RBFOX1: variants seen among roughly 807,000 people sequenced by gnomAD.
The protein encoded by RBFOX1 is RNA binding protein fox-1 homolog 1.
In RBFOX1, 8 loss-of-function variants were observed where a neutral mutation model predicts 57.7. The ratio of observed to expected loss-of-function variants is 0.14; its 90% confidence interval spans 0.08 to 0.25. The LOEUF (loss-of-function observed/expected upper bound fraction) is 0.25, where lower values mean the gene tolerates loss of function less well. RBFOX1 is among the 10% of genes least tolerant of loss of function. The pLI is 1.00. For missense variants in RBFOX1, 611 were observed against 548.5 expected, an observed-to-expected ratio of 1.11 and a Z score of -1.14; for synonymous variants, 326 against 222.4, an observed-to-expected ratio of 1.47 and a Z score of -4.15.
At chr16:7,273,466 A>G (rs532452368) in intron 4 of RBFOX1, among the ~76,000 whole-genome samples, 12 of 152,196 alleles carry the variant, frequency 7.9e-5, no homozygotes, top group African/African-American at 2.6e-4. Context: ...CTGCTGCATC[A>G]AGGGTCCCTG....
intron 4 of RBFOX1, among the ~76,000 whole-genome samples, chr16:7,082,121 T>C (rs1247823164): frequency 6.6e-6 from 1 of 152,158 alleles, no homozygotes; most frequent in Non-Finnish European, 1.5e-5. Context: ...GATCACTCCT[T>C]GGTATCCTAA....
intron 2 of RBFOX1, among the ~76,000 whole-genome samples, chr16:6,627,914 T>G (rs1483034105): frequency 6.6e-6 from 1 of 152,200 alleles, no homozygotes; most frequent in African/African-American, 2.4e-5. Context: ...CATCACTCCC[T>G]AAAGGGGCCA....
At chr16:6,872,363 C>G (rs958528371) in intron 3 of RBFOX1, among the ~76,000 whole-genome samples, 1 of 152,086 alleles carries the variant, frequency 6.6e-6, no homozygotes, top group African/African-American at 2.4e-5. Flanking sequence ...TTTTCTCTTT[C>G]TCGTAGTAAT....
chr16:5,740,396 G>A lies in RBFOX1; in HGVS notation c.319-126907G>A, dbSNP rs577094507. 2.2e-4 allele frequency among the ~76,000 whole-genome samples: 34 copies of A among 152,344 alleles called. 1 individual carries two copies. Among genetic ancestry groups the A allele is most frequent in the Middle Eastern group, 3.4e-3 (1 of 294 alleles). Reference sequence around the variant, plus strand: ...CACAGTCCCAGCAACAGTGATGAAAGTGTCAGCTAGTGCGTATGAAGACTT... The same window carrying A: ...CACAGTCCCAGCAACAGTGATGAAAATGTCAGCTAGTGCGTATGAAGACTT... On this transcript the variant is annotated intron_variant, in intron 3 of 19. Transcript: ENST00000641259.
chr16:5,285,244 C>G (rs1350272099), intron 1 of RBFOX1, among the ~76,000 whole-genome samples: 6 of 152,168 alleles, frequency 3.9e-5, no homozygotes, highest in Non-Finnish European at 2.9e-5. Flanking sequence ...ATTGTTAAAG[C>G]TGTCAGTTAT....
chr16:6,229,619 A>T (rs1335626900), intron 1 of RBFOX1, among the ~76,000 whole-genome samples: 1 of 152,164 alleles, frequency 6.6e-6, no homozygotes, highest in Non-Finnish European at 1.5e-5. Context: ...CTGAAGAGGA[A>T]CCAGGAAGAA....
In RBFOX1 at chr16:7,549,886, T is replaced by C. The variant is rs928519179; in HGVS notation, c.271-29891T>C. Among the ~76,000 whole-genome samples the C allele has an allele frequency of 2.0e-5, 3 of 152,144 alleles. No individual in the cohort carries two copies. The East Asian group carries it at 5.8e-4, about 29-fold the overall frequency. On this transcript the variant is annotated intron_variant, in intron 5 of 15. Coordinates refer to ENST00000550418, the MANE Select transcript of RBFOX1 (RefSeq NM_018723.4). The stretch of plus-strand genomic sequence containing the variant: ...CAGTACTTTGCCTCCTTCAGTCCAA[T>C]CACGTTGACAATATTAACCATCATC...
intron 4 of RBFOX1, among the ~76,000 whole-genome samples, chr16:7,350,687 T>C (rs924284795): frequency 1.3e-5 from 2 of 152,190 alleles, no homozygotes; most frequent in Non-Finnish European, 2.9e-5. Context: ...AATATCCATA[T>C]TTCATGCTGC....
chr16:6,899,637 G>GA (rs1356846642), intron 3 of RBFOX1, among the ~76,000 whole-genome samples: 2 of 152,074 alleles, frequency 1.3e-5, no homozygotes, highest in African/African-American at 2.4e-5. Context: ...TTTGAAATGG[G>GA]AAGAATAAAC....
At chr16:7,437,703 G>A (rs2098734036) in intron 4 of RBFOX1, among the ~76,000 whole-genome samples, 1 of 152,096 alleles carries the variant, frequency 6.6e-6, no homozygotes, top group Non-Finnish European at 1.5e-5. Flanking sequence ...ATATTTGTCT[G>A]GAGATTAGCC....
At chr16:5,781,288 G>T (rs549051998) in intron 3 of RBFOX1, among the ~76,000 whole-genome samples, 35 of 152,288 alleles carry the variant, frequency 2.3e-4, no homozygotes, top group African/African-American at 7.5e-4. Flanking sequence ...TTGCTTAGAA[G>T]CTTAAGGTTT....
intron 3 of RBFOX1, among the ~76,000 whole-genome samples, chr16:5,808,098 TC>T (rs1567567677): frequency 6.6e-6 from 1 of 152,166 alleles, no homozygotes. Flanking sequence ...AAGTCCTAGC[TC>T]CTGGTATATC....
At chr16:6,154,046 G>C (rs2096821639) in intron 1 of RBFOX1, among the ~76,000 whole-genome samples, 1 of 152,198 alleles carries the variant, frequency 6.6e-6, no homozygotes, top group Non-Finnish European at 1.5e-5. Flanking sequence ...GATAAGTCCA[G>C]ACCTCATGGA....
At chr16:6,811,577 A>C (rs757246081) in intron 3 of RBFOX1, among the ~76,000 whole-genome samples, 3 of 152,156 alleles carry the variant, frequency 2.0e-5, no homozygotes, top group Non-Finnish European at 2.9e-5. Context: ...AAGATTAGCA[A>C]CCTGGGTGCT....
At chr16:6,653,104 C>G (rs910489629) in intron 2 of RBFOX1, among the ~76,000 whole-genome samples, 1 of 152,124 alleles carries the variant, frequency 6.6e-6, no homozygotes, top group African/African-American at 2.4e-5. Flanking sequence ...TCTTCGTTTG[C>G]CTGGGATGTT....
intron 3 of RBFOX1, among the ~76,000 whole-genome samples, chr16:6,914,680 C>T (rs1034015075): frequency 1.3e-5 from 2 of 152,140 alleles, no homozygotes; most frequent in Admixed American, 6.5e-5. Flanking sequence ...TCAAGATCAG[C>T]CTGGCCAACA....
At chr16:6,783,458 C>G (rs929967409) in intron 3 of RBFOX1, among the ~76,000 whole-genome samples, 1 of 139,370 alleles carries the variant, frequency 7.2e-6, no homozygotes, top group Admixed American at 7.1e-5. Context: ...AAAAAAAAAT[C>G]TTATAACCAA....
chr16:7,356,445 T>G (rs1461005972), intron 4 of RBFOX1, among the ~76,000 whole-genome samples: 3 of 149,010 alleles, frequency 2.0e-5, no homozygotes, highest in African/African-American at 7.4e-5. Flanking sequence ...GAGAAGAAAG[T>G]GACTGGAGAG....
intron 4 of RBFOX1, among the ~76,000 whole-genome samples, chr16:7,404,699 T>G (rs7193878): frequency 6.6e-6 from 1 of 152,140 alleles, no homozygotes. Flanking sequence ...GAATGCTTTT[T>G]CAGAAAAAAC....
Sources: gnomAD v4.1 joint callset for allele counts (sites outside exome capture counted in the v4.1 genomes callset) on GRCh38, gnomAD v4.1.1 for gene constraint, MANE v1.5 for transcripts, NCBI Gene and HGNC (gene_info 2026-07-23, HGNC 2026-07-21) for gene names.